Variants in GDA observed in about 807,000 individuals in gnomAD.
The protein encoded by GDA is guanine deaminase.
Under a neutral mutation model 59.6 loss-of-function variants are expected in GDA, and 18 were observed. The observed-to-expected ratio is 0.30, with a 90% CI of 0.21 to 0.45. The LOEUF (loss-of-function observed/expected upper bound fraction) is 0.45. GDA is among the 20% of genes least tolerant of loss of function. The probability of loss-of-function intolerance (pLI) is 1.00; values close to 1 mark genes in which losing one functional copy is unlikely to be tolerated. For missense variants in GDA, 427 were observed against 552.3 expected, an observed-to-expected ratio of 0.77 and a Z score of 2.27; for synonymous variants, 201 against 201.1, an observed-to-expected ratio of 1.00 and a Z score of 0.00.
At position 72,183,559 on chromosome 9, in the gene GDA, A is replaced by G. The variant is rs373672351; in HGVS notation, c.124-11941A>G. ...AAAATATTACATGAAAAAATACATA[A>G]CGTAGTGTCTAATGGCCGTTAGCCT... On this transcript the variant is annotated intron_variant, in intron 1 of 13. Transcript: ENST00000358399. 1.2e-4 allele frequency among the ~76,000 whole-genome samples: 18 copies of G among 152,324 alleles called. No homozygotes were observed. The East Asian group carries it at 2.5e-3, about 21-fold the overall frequency.
intron 10 of GDA, among the ~76,000 whole-genome samples, chr9:72,239,105 T>C (rs1839332260): frequency 6.6e-6 from 1 of 152,174 alleles, no homozygotes; most frequent in South Asian, 2.1e-4. Flanking sequence ...AGGGGAAAAC[T>C]ACAAAGCTAA....
chr9:72,147,616 A>ATTT (rs5898249), upstream of GDA, among the ~76,000 whole-genome samples: 4 of 148,870 alleles, frequency 2.7e-5, no homozygotes, highest in African/African-American at 9.9e-5. Flanking sequence ...ACTAGTCTCT[A>ATTT]TTTTTTTTTT....
At chr9:72,145,785 A>C (rs186419281), upstream of GDA, among the ~76,000 whole-genome samples, 5 of 152,356 alleles carry the variant, frequency 3.3e-5, no homozygotes, top group African/African-American at 1.2e-4. Flanking sequence ...AAAATGTTGG[A>C]AAACTAAATA....
At chr9:72,210,656 G>A (rs755884857) in intron 3 of GDA, 31 bp from the exon 4 acceptor site, 8 of 1,238,190 alleles carry the variant, frequency 6.5e-6, no homozygotes, top group Admixed American at 1.7e-5. Context: ...CTGAGCACAC[G>A]TGATTCGCGG....
Position 72,251,004 on chromosome 9 carries a change from AG to A in GDA, c.*2664del. 1 of 589,114 alleles carries A rather than the reference AG, an allele frequency of 1.7e-6. No individual in the cohort carries two copies. The highest frequency in any genetic ancestry group is 2.1e-5 in the South Asian group (1 of 48,390). The allele number at this position is 589,114 out of a possible 1,614,324, so 36.5% of individuals were successfully genotyped here. On this transcript the variant is annotated 3_prime_UTR_variant, in exon 14 of 14. Coordinates refer to ENST00000358399, the MANE Select transcript of GDA (RefSeq NM_004293.5). ...GTGAAAGGTTGTCCTAAACAGACCA[AG>A]GAGACTGTTCCCTAATTTATTCTCT...
intron 1 of GDA, among the ~76,000 whole-genome samples, chr9:72,154,417 T>A (rs12343189): frequency 0.19 from 28,284 of 152,184 alleles, 2,987 homozygotes; most frequent in African/African-American, 0.3. Context: ...TCCTAGCAAA[T>A]CCTTAACCTC....
chr9:72,226,126 A>T (rs527847781), intron 8 of GDA, among the ~76,000 whole-genome samples: 10 of 152,240 alleles, frequency 6.6e-5, no homozygotes, highest in Non-Finnish European at 1.3e-4. Context: ...GGACATTTTA[A>T]CAGTATCTAT....
chr9:72,240,529 C>T (rs1342925762), intron 10 of GDA, among the ~76,000 whole-genome samples: 2 of 152,078 alleles, frequency 1.3e-5, no homozygotes, highest in East Asian at 1.9e-4. Flanking sequence ...AGATGTCTAT[C>T]AGAATCTGTA....
At position 72,247,266 on chromosome 9, in the gene GDA, C is replaced by A; in HGVS notation, c.1267-140C>A. ...GTTTTTATAAAGCACATAGCCACTT[C>A]TTTTTTAATTAATAGAAGTAGATTT... On this transcript the variant is annotated intron_variant, in intron 12 of 13. Coordinates refer to ENST00000358399, the MANE Select transcript of GDA (RefSeq NM_004293.5). The A allele has an allele frequency of 4.3e-6, 3 of 699,408 alleles. No individual in the cohort carries two copies. In the South Asian group the frequency reaches 4.6e-5, roughly 11 times the overall value. 43.3% of individuals were successfully genotyped at this position (699,408 alleles called of 1,614,324 possible). A position where few individuals can be genotyped will look rare whatever the true frequency, so the allele number is the denominator to read the frequency against.
intron 1 of GDA, among the ~76,000 whole-genome samples, chr9:72,135,812 T>C (rs1247777349): frequency 1.3e-5 from 2 of 152,016 alleles, no homozygotes; most frequent in South Asian, 2.1e-4. Context: ...GGTTTTACCA[T>C]GTTGGCCGGG....
At chr9:72,253,044 G>T (rs1840794158), downstream of GDA, among the ~76,000 whole-genome samples, 1 of 152,042 alleles carries the variant, frequency 6.6e-6, no homozygotes, top group Non-Finnish European at 1.5e-5. Flanking sequence ...TGATATTACG[G>T]ATCCTCCTTT....
At chr9:72,198,610 T>C (rs1833507406) in intron 2 of GDA, among the ~76,000 whole-genome samples, 1 of 151,824 alleles carries the variant, frequency 6.6e-6, no homozygotes, top group African/African-American at 2.4e-5. Flanking sequence ...ATGTTGTTTG[T>C]TTTACAGCCA....
At position 72,202,682 on chromosome 9, in the gene GDA, T is replaced by C; in HGVS notation, c.324T>C (p.Phe108=). ...TGGAGTGGCTGACCAAGTACACATT[T>C]CCTGCAGAACACAGATTCCAGAACA... ...PLLEWLTKYT[F]PAEHRFQNID... is the part of the protein sequence containing the mutation. The change falls in exon 3 of 14, where the codon TTT becomes TTC. Residue 108 remains phenylalanine, a synonymous_variant. Coordinates refer to ENST00000358399, the MANE Select transcript of GDA (RefSeq NM_004293.5). 6.2e-7 allele frequency: 1 copy of C among 1,613,882 alleles called. No homozygotes were observed. Among genetic ancestry groups the C allele is most frequent in the East Asian group, 2.2e-5 (1 of 44,876 alleles).
chr9:72,246,476 G>A (rs994939610), intron 12 of GDA, among the ~76,000 whole-genome samples: 1 of 152,156 alleles, frequency 6.6e-6, no homozygotes, highest in Non-Finnish European at 1.5e-5. Flanking sequence ...TGTGACATAG[G>A]TGCCTTCATA....
intron 3 of GDA, among the ~76,000 whole-genome samples, chr9:72,208,933 A>G (rs1293296325): frequency 1.3e-5 from 2 of 152,044 alleles, no homozygotes; most frequent in Non-Finnish European, 2.9e-5. Context: ...AACCTATATA[A>G]TAGAGCGTTT....
Position 72,251,076 on chromosome 9 carries a change from G to T in GDA, c.*2734G>T. On this transcript the variant is annotated 3_prime_UTR_variant, in exon 14 of 14. Transcript: ENST00000358399. ...TTATCAGACCCCAAGAGGAGATATT[G>T]GAACAGGCTCCCTTCATGCCAAGGG... 1 of 455,078 alleles carries T rather than the reference G, an allele frequency of 2.2e-6. No individual in the cohort carries two copies. Among genetic ancestry groups the T allele is most frequent in the Non-Finnish European group, 3.9e-6 (1 of 253,862 alleles). 28.2% of individuals were successfully genotyped at this position (455,078 alleles called of 1,614,324 possible).
intron 2 of GDA, among the ~76,000 whole-genome samples, chr9:72,201,805 C>G (rs919564959): frequency 2.0e-5 from 3 of 152,140 alleles, no homozygotes; most frequent in Non-Finnish European, 4.4e-5. Context: ...GGTAGTGCCT[C>G]TGAACACTTT....
intron 1 of GDA, among the ~76,000 whole-genome samples, chr9:72,181,316 CTTACTT>C (rs1196857009): frequency 6.6e-6 from 1 of 151,920 alleles, no homozygotes; most frequent in Non-Finnish European, 1.5e-5. Flanking sequence ...TTATCATGTC[CTTACTT>C]TTACTTATAC....
rs1334307451 is a variant in GDA at position 72,245,965 on chromosome 9, G to A, written c.1266+687G>A. Among the ~76,000 whole-genome samples the A allele has an allele frequency of 2.6e-5, 4 of 152,116 alleles. 1 individual carries two copies. The South Asian group carries it at 8.3e-4, about 32-fold the overall frequency. The stretch of plus-strand genomic sequence containing the variant: ...GCCATTTCTAAATTGATCTACTTGT[G>A]AGAGTAATTGCGATAATAAATATGT... On this transcript the variant is annotated intron_variant, in intron 12 of 13. Transcript: ENST00000358399.
Sources: allele counts gnomAD v4.1 joint callset (sites outside exome capture counted in the v4.1 genomes callset), GRCh38; gene constraint gnomAD v4.1.1; transcripts MANE v1.5; gene names NCBI Gene and HGNC (gene_info 2026-07-23, HGNC 2026-07-21).